L3MBTL3: variants seen among roughly 807,000 people sequenced by gnomAD.
The protein encoded by L3MBTL3 is lethal(3)malignant brain tumor-like protein 3.
Under a neutral mutation model 102.3 loss-of-function variants are expected in L3MBTL3, and 27 were observed. The ratio of observed to expected loss-of-function variants is 0.26; its 90% CI spans 0.19 to 0.36. The LOEUF (loss-of-function observed/expected upper bound fraction) is 0.36, where lower values mean the gene tolerates loss of function less well. L3MBTL3 is among the 10% of genes least tolerant of loss of function. The pLI is 1.00. For synonymous variants in L3MBTL3, 340 were observed against 320.9 expected (o/e 1.06, Z -0.64); for missense variants, 798 against 955.3 (o/e 0.84, Z 2.17).
intron 3 of L3MBTL3, among the ~76,000 whole-genome samples, chr6:130,047,079 CA>C (rs1342458954): frequency 2.0e-5 from 3 of 152,004 alleles, no homozygotes; most frequent in African/African-American, 7.2e-5. Context: ...TTGAGATAAG[CA>C]ACTTTGATAA....
intron 18 of L3MBTL3, among the ~76,000 whole-genome samples, chr6:130,101,681 G>T (rs117495878): frequency 0.027 from 4,089 of 152,336 alleles, 80 homozygotes; most frequent in Non-Finnish European, 0.041. Flanking sequence ...CTCCTGTGCA[G>T]ATCGTTTTGA....
At chr6:130,134,186 C>G (rs936073277) in intron 22 of L3MBTL3, among the ~76,000 whole-genome samples, 5 of 152,118 alleles carry the variant, frequency 3.3e-5, no homozygotes, top group African/African-American at 1.2e-4. Flanking sequence ...TAATAGCATG[C>G]ATTTATATAG....
At chr6:130,038,882 A>G (rs1351843527) in intron 2 of L3MBTL3, among the ~76,000 whole-genome samples, 8 of 152,148 alleles carry the variant, frequency 5.3e-5, no homozygotes, top group Non-Finnish European at 1.2e-4. Context: ...GATCAGAAAT[A>G]GGCTTAATAA....
Position 130,032,355 on chromosome 6 carries a change from G to A in L3MBTL3, c.-16+10050G>A, listed in dbSNP as rs568385517. Among the ~76,000 whole-genome samples, 117 of 152,284 alleles carry A rather than the reference G, an allele frequency of 7.7e-4. 2 individuals carry two copies. In the South Asian group the frequency reaches 0.023, roughly 31 times the overall value. The stretch of plus-strand genomic sequence containing the variant: ...TCCCAGCTGCTCTAGAGGCTGAGGC[G>A]GGAGGAGTGTTTGAGCCCAGGTGGT... On this transcript the variant is annotated intron_variant, in intron 2 of 22. Coordinates refer to ENST00000361794, the MANE Select transcript of L3MBTL3 (RefSeq NM_032438.4).
chr6:130,028,824 T>C (rs1166368687), intron 2 of L3MBTL3, among the ~76,000 whole-genome samples: 4 of 152,244 alleles, frequency 2.6e-5, no homozygotes, highest in Non-Finnish European at 5.9e-5. Context: ...TGTTCTCCAC[T>C]GACACTTATA....
At chr6:130,107,946 A>G (rs541832532) in intron 19 of L3MBTL3, among the ~76,000 whole-genome samples, 1 of 152,296 alleles carries the variant, frequency 6.6e-6, no homozygotes, top group South Asian at 2.1e-4. Flanking sequence ...CAAATGAGTG[A>G]GTGGTTGAAG....
chr6:130,019,496 C>CG (rs1778795535), intron 1 of L3MBTL3: 1 of 151,658 alleles, frequency 6.6e-6, no homozygotes, highest in South Asian at 2.1e-4. Flanking sequence ...GAAAAGAGGC[C>CG]GGGCCACTTT....
At chr6:130,113,771 A>G (rs933624486) in intron 19 of L3MBTL3, among the ~76,000 whole-genome samples, 1 of 152,222 alleles carries the variant, frequency 6.6e-6, no homozygotes, top group East Asian at 1.9e-4. Context: ...CACGAATCCA[A>G]TTTTGCTAGT....
intron 16 of L3MBTL3, among the ~76,000 whole-genome samples, chr6:130,089,788 G>A (rs912494309): frequency 1.3e-5 from 2 of 150,718 alleles, no homozygotes; most frequent in Non-Finnish European, 2.9e-5. Context: ...TCTCATTGTG[G>A]TTTTGATACA....
chr6:130,139,536 A>G, intron 22 of L3MBTL3, 74 bp from the exon 23 acceptor site: 1 of 1,401,056 alleles, frequency 7.1e-7, no homozygotes, highest in Non-Finnish European at 1.0e-6. Flanking sequence ...ACAGCTGGTA[A>G]TTTAACCTTG....
chr6:130,119,970 T>C (rs1786019417), intron 19 of L3MBTL3, among the ~76,000 whole-genome samples: 1 of 152,214 alleles, frequency 6.6e-6, no homozygotes, highest in African/African-American at 2.4e-5. Context: ...GTTTCAAATG[T>C]ATTTGCCCCG....
chr6:130,036,186 GACA>G (rs1485776015), intron 2 of L3MBTL3, among the ~76,000 whole-genome samples: 1 of 152,186 alleles, frequency 6.6e-6, no homozygotes, highest in Non-Finnish European at 1.5e-5. Flanking sequence ...TACAGAGGGT[GACA>G]ACAAGGGAGG....
In L3MBTL3 at chr6:130,063,457, A is replaced by G. The variant is rs138586560; in HGVS notation, c.865-2896A>G. 5.6e-3 allele frequency among the ~76,000 whole-genome samples: 855 copies of G among 152,150 alleles called. 6 individuals carry two copies. The highest frequency in any genetic ancestry group is 0.019 in the African/African-American group (800 of 41,490). On this transcript the variant is annotated intron_variant, in intron 10 of 22. Coordinates refer to ENST00000361794, the MANE Select transcript of L3MBTL3 (RefSeq NM_032438.4). ...AGGTGGAGTTGATTTTTGTTGGTCC[A>G]TTTTCATTATTCGCAGTAGTTACGC...
chr6:130,088,846 C>T (rs1783853625), intron 16 of L3MBTL3, among the ~76,000 whole-genome samples: 1 of 152,022 alleles, frequency 6.6e-6, no homozygotes, highest in South Asian at 2.1e-4. Context: ...AGATCTTGCC[C>T]TTCTTCCCTT....
rs375803242 is a variant in L3MBTL3 at position 130,042,714 on chromosome 6, C to A, written c.15C>A (p.Ala5=). Residue 5 remains alanine (A), a synonymous_variant, in exon 3 of 23, where the codon GCC becomes GCA. Coordinates refer to ENST00000361794, the MANE Select transcript of L3MBTL3 (RefSeq NM_032438.4). The part of the protein sequence containing the change: MTES[A]SSTSGQEFDV... ...AAAAATAAATCATGACTGAATCTGC[C>A]TCTAGCACAAGTGGTCAAGAGTTTG... 48 of 1,612,232 alleles carry A rather than the reference C, an allele frequency of 3.0e-5. No individual in the cohort carries two copies. Among genetic ancestry groups the A allele is most frequent in the Admixed American group, 1.0e-4 (6 of 59,962 alleles).
intron 18 of L3MBTL3, among the ~76,000 whole-genome samples, chr6:130,100,920 C>CT (rs1784647922): frequency 6.6e-6 from 1 of 152,130 alleles, no homozygotes; most frequent in Non-Finnish European, 1.5e-5. Context: ...GAACCTGTCA[C>CT]TTTCTTCATA....
intron 18 of L3MBTL3, among the ~76,000 whole-genome samples, chr6:130,096,904 A>G (rs1289418215): frequency 6.6e-6 from 1 of 152,218 alleles, no homozygotes; most frequent in East Asian, 1.9e-4. Context: ...TTTAAAGGAC[A>G]AGCATTGATA....
chr6:130,078,196 G>A (rs1285357145), intron 13 of L3MBTL3, among the ~76,000 whole-genome samples: 2 of 152,084 alleles, frequency 1.3e-5, no homozygotes, highest in Non-Finnish European at 2.9e-5. Context: ...AATAATTTTA[G>A]TTTTCCTATG....
intron 1 of L3MBTL3, among the ~76,000 whole-genome samples, chr6:130,020,859 G>T (rs1778962741): frequency 6.6e-6 from 1 of 151,138 alleles, no homozygotes; most frequent in South Asian, 2.1e-4. Context: ...GCATCCCTTG[G>T]CCCGCTTCTC....
Sources: allele counts gnomAD v4.1 joint callset (sites outside exome capture counted in the v4.1 genomes callset), GRCh38; gene constraint gnomAD v4.1.1; transcripts MANE v1.5; gene names NCBI Gene and HGNC (gene_info 2026-07-23, HGNC 2026-07-21).